ST3GAL4: variants seen among roughly 807,000 people sequenced by gnomAD.
ST3GAL4 encodes ST3 beta-galactoside alpha-2,3-sialyltransferase 4, also known as CMP-N-acetylneuraminate-beta-galactosamide-alpha-2,3-sialyltransferase 4.
ST3GAL4 carries 24 observed loss-of-function variants against 42.6 expected under a neutral mutation model. The ratio of observed to expected loss-of-function variants is 0.56; its 90% CI spans 0.41 to 0.79. The LOEUF (loss-of-function observed/expected upper bound fraction) is 0.79, where lower values mean the gene tolerates loss of function less well. Ranked by LOEUF, ST3GAL4 falls within the 30% of genes least tolerant of loss-of-function variation. The pLI is 0.00. For missense variants in ST3GAL4, 311 were observed against 430.8 expected, an observed-to-expected ratio of 0.72 and a Z score of 2.46; for synonymous variants, 135 against 163.2, an observed-to-expected ratio of 0.83 and a Z score of 1.32.
intron 1 of ST3GAL4, among the ~76,000 whole-genome samples, chr11:126,381,643 A>G (rs1404736257): frequency 6.9e-6 from 1 of 144,930 alleles, no homozygotes; most frequent in Non-Finnish European, 1.5e-5. Context: ...GAGTCCAGCC[A>G]CCGACTTCTG....
rs1185864868 is a variant in ST3GAL4 at position 126,382,939 on chromosome 11, G to C, written c.-60-23157G>C. ...GGGGCAGCTGGAGGAAGGCCTTGCA[G>C]GTTCCTGGATTTGGGTGCCGGGTGG... On this transcript the variant is annotated intron_variant, in intron 1 of 10. Transcript: ENST00000444328. 3.9e-5 allele frequency among the ~76,000 whole-genome samples: 6 copies of C among 152,248 alleles called. 1 individual carries two copies. The highest frequency in any genetic ancestry group is 3.3e-4 in the Admixed American group (5 of 15,290).
At chr11:126,399,803 T>C (rs1399080535) in intron 1 of ST3GAL4, among the ~76,000 whole-genome samples, 1 of 152,292 alleles carries the variant, frequency 6.6e-6, no homozygotes, top group East Asian at 1.9e-4. Flanking sequence ...GCCACATTCT[T>C]TGCTGCTTTG....
rs1313477468 is a variant in ST3GAL4, at chr11:126,363,827, A to T, written c.-61+7985A>T. 7.9e-5 allele frequency among the ~76,000 whole-genome samples: 12 copies of T among 152,226 alleles called. No individual in the cohort carries two copies. Among genetic ancestry groups the T allele is most frequent in the Admixed American group, 5.2e-4 (8 of 15,292 alleles). On this transcript the variant is annotated intron_variant, in intron 1 of 10. Transcript: ENST00000444328. The surrounding 1 kb of genome is among the most constrained non-coding windows in gnomAD (Gnocchi z 4.6). ...TCTACTCTCAGACCCCATTGAGGTG[A>T]GCACACAACAGTGTTCTGTGTGAGG... is the stretch of plus-strand genomic sequence containing the variant.
rs893202718 is a variant in ST3GAL4, at chr11:126,388,519, T to TG, written c.-60-17572dup. ...CTAATTTTTATATTTTTAGTAGAGG[T>TG]GGGGGTTTTACCATGTTGGCCAGGC... On this transcript the variant is annotated intron_variant, in intron 1 of 10. Coordinates refer to ENST00000444328, the MANE Select transcript of ST3GAL4 (RefSeq NM_001254757.2). Among the ~76,000 whole-genome samples the TG allele has an allele frequency of 2.0e-5, 3 of 149,418 alleles. 1 individual carries two copies. The East Asian group carries it at 6.1e-4, about 30-fold the overall frequency.
intron 1 of ST3GAL4, chr11:126,358,569 G>A (rs968767246): frequency 2.4e-5 from 10 of 419,970 alleles, no homozygotes; most frequent in African/African-American, 1.0e-4. Flanking sequence ...GTAGCTTCAC[G>A]TGAGAGCAGC....
At position 126,382,686 on chromosome 11, in the gene ST3GAL4, G is replaced by A. The variant is rs575440051; in HGVS notation, c.-60-23410G>A. Among the ~76,000 whole-genome samples the A allele has an allele frequency of 1.2e-3, 177 of 152,184 alleles. 2 individuals are homozygous for A. The highest frequency in any genetic ancestry group is 3.3e-3 in the African/African-American group (135 of 41,516). ...GTTGATTTAGTGTCTCTGCCCTGGGGTATTCCATGGGACCCTGGGCTGGCT... is the reference window on the plus strand; with the variant it reads ...GTTGATTTAGTGTCTCTGCCCTGGGATATTCCATGGGACCCTGGGCTGGCT... On this transcript the variant is annotated intron_variant, in intron 1 of 10. Transcript: ENST00000444328.
intron 1 of ST3GAL4, among the ~76,000 whole-genome samples, chr11:126,390,323 G>GT (rs142562472): frequency 0.22 from 32,775 of 148,190 alleles, 4,532 homozygotes; most frequent in Non-Finnish European, 0.32. Flanking sequence ...AGTGTTTCCA[G>GT]TTTGTTTGTT....
At position 126,392,461 on chromosome 11, in the gene ST3GAL4, G is replaced by T; in HGVS notation, c.-60-13635G>T. On this transcript the variant is annotated intron_variant, in intron 1 of 10. Coordinates refer to ENST00000444328, the MANE Select transcript of ST3GAL4 (RefSeq NM_001254757.2). This position sits in a 1 kb window ranked among gnomAD's most constrained non-coding sequence, Gnocchi z 5.8. ...TTGTGAGCTCATCGACATGCATTTG[G>T]CAGAAAGTGCGCTGGCTCTGCCAGC... 1 of 796,922 alleles carries T rather than the reference G, an allele frequency of 1.3e-6. No homozygotes were observed. Among genetic ancestry groups the T allele is most frequent in the Non-Finnish European group, 1.5e-6 (1 of 657,622 alleles). The allele number at this position is 796,922 out of a possible 1,614,324, so 49.4% of individuals were successfully genotyped here. A position where few individuals can be genotyped will look rare whatever the true frequency, so the allele number is the denominator to read the frequency against.
In ST3GAL4 at chr11:126,407,251, G is replaced by T; in HGVS notation, c.183-1G>T. 6.2e-7 allele frequency: 1 copy of T among 1,614,182 alleles called. No individual in the cohort carries two copies. Among genetic ancestry groups the T allele is most frequent in the Non-Finnish European group, 8.5e-7 (1 of 1,180,012 alleles). On this transcript the variant is annotated splice_acceptor_variant, in intron 4 of 10. Transcript: ENST00000444328. LOFTEE classifies it high-confidence loss of function. ...CCCACCCGGCTTTCACCTCTGTGCA[G>T]CTACTCCCGGGATCAGCCCATCTTC...
At position 126,388,660 on chromosome 11, in the gene ST3GAL4, G is replaced by GTTTTTTTTTTT. The variant is rs10599019; in HGVS notation, c.-60-17425_-60-17415dup. ...TGCCTATTTTTAAATTAGGTTTCTT[G>GTTTTTTTTTTT]TTTTTTTTTTTTTTTTTTTTTCTGA... On this transcript the variant is annotated intron_variant, in intron 1 of 10. Coordinates refer to ENST00000444328, the MANE Select transcript of ST3GAL4 (RefSeq NM_001254757.2). Among the ~76,000 whole-genome samples the GTTTTTTTTTTT allele has an allele frequency of 7.4e-4, 59 of 79,260 alleles. 1 individual carries two copies. The highest frequency in any genetic ancestry group is 2.8e-3 in the African/African-American group (51 of 18,454). The allele number at this position is 79,260 out of a possible 152,430, so 52.0% of individuals were successfully genotyped here.
intron 1 of ST3GAL4, among the ~76,000 whole-genome samples, chr11:126,381,400 G>T (rs1484601650): frequency 6.6e-6 from 1 of 151,966 alleles, no homozygotes; most frequent in African/African-American, 2.4e-5. Context: ...AGCTCCCTCT[G>T]TGTGTTCCCA....
chr11:126,406,624 T>C lies in ST3GAL4; in HGVS notation c.101+67T>C. On this transcript the variant is annotated intron_variant, in intron 3 of 10. Transcript: ENST00000444328. This position sits in a 1 kb window ranked among gnomAD's most constrained non-coding sequence, Gnocchi z 5.4. Reference sequence around the variant, plus strand: ...GACAGGGCTTAGGGATGGAGCATCATGGAGCGGGGGACCTAGTAGGGCAGG... The same window carrying C: ...GACAGGGCTTAGGGATGGAGCATCACGGAGCGGGGGACCTAGTAGGGCAGG... 1 of 1,597,854 alleles carries C rather than the reference T, an allele frequency of 6.3e-7. No individual in the cohort carries two copies.
Position 126,407,947 on chromosome 11 carries a change from C to G in ST3GAL4, c.342-152C>G, listed in dbSNP as rs943741169. On this transcript the variant is annotated intron_variant, in intron 6 of 10. Coordinates refer to ENST00000444328, the MANE Select transcript of ST3GAL4 (RefSeq NM_001254757.2). The stretch of plus-strand genomic sequence containing the variant: ...CCCAGGGCTGTAAAGTCAGCATGAC[C>G]CTAAGCAGGACCACGGGGTGATGCC... 7 of 878,876 alleles carry G rather than the reference C, an allele frequency of 8.0e-6. No homozygotes were observed. The African/African-American group carries it at 1.2e-4, about 15-fold the overall frequency. 54.4% of individuals were successfully genotyped at this position (878,876 alleles called of 1,614,324 possible). A position where few individuals can be genotyped will look rare whatever the true frequency, so the allele number is the denominator to read the frequency against.
At position 126,366,152 on chromosome 11, in the gene ST3GAL4, C is replaced by T. The variant is rs912943566; in HGVS notation, c.-61+10310C>T. On this transcript the variant is annotated intron_variant, in intron 1 of 10. Coordinates refer to ENST00000444328, the MANE Select transcript of ST3GAL4 (RefSeq NM_001254757.2). The surrounding 1 kb of genome is among the most constrained non-coding windows in gnomAD (Gnocchi z 4.2). The stretch of plus-strand genomic sequence containing the variant: ...GCTCCGGGCTGCCTGGTGATAGCTC[C>T]CAGGGACCTGCAAGCTGACAAACAA... Among the ~76,000 whole-genome samples, 15 of 152,196 alleles carry T rather than the reference C, an allele frequency of 9.9e-5. No individual in the cohort carries two copies. The East Asian group carries it at 2.1e-3, about 22-fold the overall frequency.
In ST3GAL4 at chr11:126,406,550, A is replaced by G. The variant is rs1186624454; in HGVS notation, c.94A>G (p.Ile32Val). 6.2e-7 allele frequency: 1 copy of G among 1,614,172 alleles called. No homozygotes were observed. The highest frequency in any genetic ancestry group is 8.5e-7 in the Non-Finnish European group (1 of 1,180,024). Residue 32 changes from isoleucine (I) to valine (V), a missense_variant, in exon 3 of 11, where the codon ATC (isoleucine) becomes GTC (valine). Physicochemically the swap from Ile to Val is conservative, Grantham distance 29. Transcript: ENST00000444328. The surrounding 1 kb of genome is among the most constrained non-coding windows in gnomAD (Gnocchi z 5.4). ...WYSISREDRY[I>V]ELFYFPIPEK... is the part of the protein sequence containing the mutation. ...TTCCATCTCCCGGGAAGACAGGTAC[A>G]TCGAGCTGTGAGTTCACCTTCCATG...
At position 126,407,570 on chromosome 11, in the gene ST3GAL4, G is replaced by C; in HGVS notation, c.281-4G>C. 1 of 1,614,130 alleles carries C rather than the reference G, an allele frequency of 6.2e-7. No individual in the cohort carries two copies. ...TCAGTCCCTCCGCCTGGTACTTTTT[G>C]TAGAGGATCTGCTCCTCCGGGTGCT... On this transcript the variant is annotated splice_region_variant and splice_polypyrimidine_tract_variant and intron_variant, in intron 5 of 10. Coordinates refer to ENST00000444328, the MANE Select transcript of ST3GAL4 (RefSeq NM_001254757.2).
intron 9 of ST3GAL4, among the ~76,000 whole-genome samples, chr11:126,412,022 A>T (rs1219842574): frequency 6.6e-6 from 1 of 152,072 alleles, no homozygotes; most frequent in Non-Finnish European, 1.5e-5. Flanking sequence ...TTCTCTTACG[A>T]TTCTGCCTTA....
chr11:126,399,991 C>T (rs1028288865), intron 1 of ST3GAL4, among the ~76,000 whole-genome samples: 1 of 151,888 alleles, frequency 6.6e-6, no homozygotes, highest in Non-Finnish European at 1.5e-5. Flanking sequence ...TGCCTGCCTG[C>T]CTCCCTCCCT....
At position 126,413,555 on chromosome 11, in the gene ST3GAL4, C is replaced by G. The variant is rs751177735; in HGVS notation, c.822C>G (p.Asp274Glu). The G allele has an allele frequency of 6.2e-7, 1 of 1,614,272 alleles. No individual in the cohort carries two copies. Among genetic ancestry groups the G allele is most frequent in the South Asian group, 1.1e-5 (1 of 91,092 alleles). Residue 274 changes from aspartate to glutamate, a missense_variant, in exon 10 of 11, where the codon GAC becomes GAG. Physicochemically the swap from Asp to Glu is conservative, Grantham distance 45. Transcript: ENST00000444328. ...TCACGCTGGCCCTCCACCTCTGTGA[C>G]TTGGTGCACATTGCCGGCTTTGGCT... Reference protein sequence around the residue: ...LAITLALHLCDLVHIAGFGYP... With the variant: ...LAITLALHLCELVHIAGFGYP...
Sources: allele counts gnomAD v4.1 joint callset (sites outside exome capture counted in the v4.1 genomes callset), GRCh38; gene constraint gnomAD v4.1.1; non-coding constraint Gnocchi (gnomAD v3.1); transcripts MANE v1.5; gene names NCBI Gene and HGNC (gene_info 2026-07-23, HGNC 2026-07-21).